Variants in PPIP5K2 observed in about 807,000 individuals in gnomAD.
PPIP5K2 encodes diphosphoinositol pentakisphosphate kinase 2.
A neutral mutation model predicts 154.6 loss-of-function variants in PPIP5K2; 105 were observed. The ratio of observed to expected loss-of-function variants is 0.68; its 90% CI spans 0.58 to 0.80. The LOEUF (loss-of-function observed/expected upper bound fraction) is 0.80, where lower values mean the gene tolerates loss of function less well. PPIP5K2 is among the 30% of genes least tolerant of loss of function. The probability of loss-of-function intolerance (pLI) is 0.00; values close to 1 mark genes in which losing one functional copy is unlikely to be tolerated. For synonymous variants in PPIP5K2, 480 were observed against 490.3 expected (o/e 0.98, Z 0.28); for missense variants, 992 against 1,504.6 (o/e 0.66, Z 5.64).
intron 1 of PPIP5K2, among the ~76,000 whole-genome samples, chr5:103,128,917 G>A (rs1790162908): frequency 6.6e-6 from 1 of 152,102 alleles, no homozygotes; most frequent in Non-Finnish European, 1.5e-5. Context: ...TTTTAAAGCT[G>A]CATTCCATTT....
rs1798229074 is a variant in PPIP5K2, at chr5:103,173,268, TA to T, written c.2403del (p.Lys801AsnfsTer57). On this transcript the variant is annotated frameshift_variant, in exon 20 of 31. Transcript: ENST00000358359. LOFTEE classifies it high-confidence loss of function. ...GGACACAAGATGATGACACTGTAAATAAACTTCATCCTGTGTAAGAAACTGT... is the reference window on the plus strand; with the variant it reads ...GGACACAAGATGATGACACTGTAAATAACTTCATCCTGTGTAAGAAACTGT... ...QRTQDDDTVN[K>X]LHPVYSRGVL... is the part of the protein sequence containing the mutation. 2 of 1,610,962 alleles carry T rather than the reference TA, an allele frequency of 1.2e-6. No homozygotes were observed.
rs1177546931 is a variant in PPIP5K2 at position 103,153,899 on chromosome 5, A to G, written c.1182A>G (p.Pro394=). The G allele has an allele frequency of 6.2e-7, 1 of 1,607,904 alleles. No individual in the cohort carries two copies. The highest frequency in any genetic ancestry group is 8.5e-7 in the Non-Finnish European group (1 of 1,176,856). ...IAVIRHGDRT[P]KQKMKMEVRH... ...TTATACGTCATGGGGATCGAACACC[A>G]AAACAAAAAATGAAAATGGAAGTGA... is the stretch of plus-strand genomic sequence containing the variant. Residue 394 remains proline, a synonymous_variant, in exon 11 of 31, where the codon CCA becomes CCG. Coordinates refer to ENST00000358359, the MANE Select transcript of PPIP5K2 (RefSeq NM_001276277.3).
At chr5:103,151,444 T>G (rs535216465) in intron 9 of PPIP5K2, 70 bp downstream of exon 9, 350 of 1,274,838 alleles carry the variant, frequency 2.7e-4, no homozygotes, top group Non-Finnish European at 3.6e-4. Flanking sequence ...ACTGTTAACA[T>G]TAAATGATCA....
chr5:103,186,472 C>G (rs782303753), intron 27 of PPIP5K2, 33 bp downstream of exon 27: 7 of 1,612,890 alleles, frequency 4.3e-6, no homozygotes, highest in Non-Finnish European at 5.9e-6. Context: ...AGATTCATAC[C>G]TACACCCATG....
chr5:103,203,212 G>T lies in PPIP5K2; in HGVS notation c.*1578G>T, dbSNP rs1554231264. 1 of 152,218 alleles carries T rather than the reference G, an allele frequency of 6.6e-6. No homozygotes were observed. Among genetic ancestry groups the T allele is most frequent in the African/African-American group, 2.4e-5 (1 of 41,316 alleles). 9.4% of individuals were successfully genotyped at this position (152,218 alleles called of 1,614,324 possible). ...ATTAAAATATTTCCAGAATCAAAGA[G>T]ACTTAAATGGTAAATTTTTAAAATT... On this transcript the variant is annotated 3_prime_UTR_variant, in exon 31 of 31. Transcript: ENST00000358359.
At chr5:103,189,443 A>G (rs1204584601) in intron 28 of PPIP5K2, among the ~76,000 whole-genome samples, 1 of 151,750 alleles carries the variant, frequency 6.6e-6, no homozygotes, top group African/African-American at 2.4e-5. Context: ...TTTGTGAGGA[A>G]AGAAGAAAAG....
chr5:103,146,443 T>A, intron 5 of PPIP5K2, 84 bp from the exon 6 acceptor site: 1 of 1,379,470 alleles, frequency 7.2e-7, no homozygotes, highest in Non-Finnish European at 9.7e-7. Flanking sequence ...GGTCTTTTAG[T>A]GAAAAAGTCC....
chr5:103,183,254 G>A lies in PPIP5K2; in HGVS notation c.2943G>A (p.Val981=), dbSNP rs149358884. The stretch of plus-strand genomic sequence containing the variant: ...TCCAGGAAGAGAGCCCCCTGAGTGT[G>A]TCTAGCCCAGAGGGTACTGGTACCT... ...ATNDEESPLS[V]SSPEGTGTWL... is the part of the protein sequence containing the mutation. Residue 981 remains valine, a synonymous_variant, in exon 25 of 31, where the codon GTG becomes GTA. Transcript: ENST00000358359. 1.4e-5 allele frequency: 18 copies of A among 1,255,530 alleles called. No homozygotes were observed. The highest frequency in any genetic ancestry group is 1.7e-5 in the Non-Finnish European group (17 of 982,988). The allele number at this position is 1,255,530 out of a possible 1,614,324, so 77.8% of individuals were successfully genotyped here.
intron 30 of PPIP5K2, among the ~76,000 whole-genome samples, chr5:103,197,994 G>C (rs1452317457): frequency 6.6e-6 from 1 of 151,626 alleles, no homozygotes; most frequent in Non-Finnish European, 1.5e-5. Context: ...TAGTTTCTTA[G>C]GTCATTGATT....
chr5:103,176,508 A>C (rs1295927696), intron 21 of PPIP5K2, among the ~76,000 whole-genome samples: 1 of 151,994 alleles, frequency 6.6e-6, no homozygotes, highest in Non-Finnish European at 1.5e-5. Flanking sequence ...ATAATGTCTA[A>C]AACAGAAATA....
At chr5:103,155,033 G>T (rs905768136) in intron 13 of PPIP5K2, 90 bp downstream of exon 13, 9 of 716,572 alleles carry the variant, frequency 1.3e-5, no homozygotes, top group Non-Finnish European at 1.9e-5. Flanking sequence ...TACTTTCACA[G>T]TCTGATCTTT....
At position 103,166,770 on chromosome 5, in the gene PPIP5K2, G is replaced by T. The variant is rs73199721; in HGVS notation, c.1921-409G>T. 6.5e-3 allele frequency among the ~76,000 whole-genome samples: 995 copies of T among 151,978 alleles called. 11 individuals are homozygous for T. Among genetic ancestry groups the T allele is most frequent in the African/African-American group, 0.023 (947 of 41,490 alleles). On this transcript the variant is annotated intron_variant, in intron 17 of 30. Coordinates refer to ENST00000358359, the MANE Select transcript of PPIP5K2 (RefSeq NM_001276277.3). ...AAATTCTAGAGTGAGCTAGAGAAAA[G>T]AAAATGTTATTAAGAAAATTATAAG...
At chr5:103,138,494 G>A (rs1791965310) in intron 5 of PPIP5K2, 25 bp downstream of exon 5, 12 of 1,467,702 alleles carry the variant, frequency 8.2e-6, no homozygotes, top group Non-Finnish European at 1.1e-5. Flanking sequence ...TTTTAGGTAA[G>A]CTTCCTTTGC....
Position 103,205,502 on chromosome 5 carries a change from C to T in PPIP5K2, c.*3868C>T, listed in dbSNP as rs1452680156. The T allele has an allele frequency of 1.3e-5, 2 of 152,156 alleles. No individual in the cohort carries two copies. Among genetic ancestry groups the T allele is most frequent in the Non-Finnish European group, 2.9e-5 (2 of 68,024 alleles). 9.4% of individuals were successfully genotyped at this position (152,156 alleles called of 1,614,324 possible). A position where few individuals can be genotyped will look rare whatever the true frequency, so the allele number is the denominator to read the frequency against. On this transcript the variant is annotated 3_prime_UTR_variant, in exon 31 of 31. Transcript: ENST00000358359. The stretch of plus-strand genomic sequence containing the variant: ...ACATCCTCTCCAGCATCTGTTGTTT[C>T]CTGACTTTTCAATGATCGCCATTCT...
At chr5:103,132,325 AG>A (rs2149466751) in intron 2 of PPIP5K2, among the ~76,000 whole-genome samples, 1 of 152,266 alleles carries the variant, frequency 6.6e-6, no homozygotes, top group East Asian at 1.9e-4. Flanking sequence ...ACAGATCATG[AG>A]GTCAGGAGAT....
At chr5:103,128,086 G>T (rs570505565) in intron 1 of PPIP5K2, among the ~76,000 whole-genome samples, 144 of 152,186 alleles carry the variant, frequency 9.5e-4, no homozygotes, top group Non-Finnish European at 1.6e-3. Context: ...TTTAAAGATG[G>T]TTAAAGTGAA....
intron 1 of PPIP5K2, among the ~76,000 whole-genome samples, 168 bp from the exon 2 acceptor site, chr5:103,129,138 T>G (rs1554201629): frequency 6.6e-6 from 1 of 152,152 alleles, no homozygotes; most frequent in Non-Finnish European, 1.5e-5. Flanking sequence ...GTTTCTTAAT[T>G]TTTTTGCTTT....
intron 24 of PPIP5K2, 57 bp from the exon 25 acceptor site, chr5:103,183,177 T>A (rs1399735002): frequency 3.8e-6 from 1 of 265,506 alleles, no homozygotes; most frequent in Non-Finnish European, 4.8e-6. Context: ...CATGCTCTGC[T>A]TTTTTTTTTT....
intron 21 of PPIP5K2, among the ~76,000 whole-genome samples, chr5:103,175,436 G>C (rs1334149028): frequency 3.3e-5 from 5 of 151,996 alleles, no homozygotes; most frequent in African/African-American, 1.2e-4. Context: ...TGTATATCCA[G>C]TAGTATTGAT....
Sources: gnomAD v4.1 joint callset for allele counts (sites outside exome capture counted in the v4.1 genomes callset) on GRCh38, gnomAD v4.1.1 for gene constraint, MANE v1.5 for transcripts, NCBI Gene and HGNC (gene_info 2026-07-23, HGNC 2026-07-21) for gene names.